MNAT1: variants seen among roughly 807,000 people sequenced by gnomAD.
The protein encoded by MNAT1 is MNAT1 component of CDK activating kinase.
MNAT1 carries 43 observed loss-of-function variants against 42.0 expected under a neutral mutation model. That is an observed-to-expected ratio of 1.02 (90% confidence interval 0.80 to 1.32). The LOEUF (loss-of-function observed/expected upper bound fraction) is 1.32. MNAT1 is among the 40% of genes most tolerant of loss of function. MNAT1 has a pLI of 0.00. For synonymous variants in MNAT1, 118 were observed against 120.0 expected, an observed-to-expected ratio of 0.98 and a Z score of 0.11; for missense variants, 306 against 350.4, an observed-to-expected ratio of 0.87 and a Z score of 1.01.
chr14:60,961,455 T>TC (rs1364056378), intron 7 of MNAT1, among the ~76,000 whole-genome samples: 1 of 152,210 alleles, frequency 6.6e-6, no homozygotes, highest in African/African-American at 2.4e-5. Flanking sequence ...ATATATGTTC[T>TC]TCCCTCTCTC....
intron 4 of MNAT1, among the ~76,000 whole-genome samples, chr14:60,811,291 ATTCT>A (rs2032534988): frequency 9.0e-6 from 1 of 110,872 alleles, no homozygotes; most frequent in East Asian, 2.7e-4. Flanking sequence ...TCTTATTTCT[ATTCT>A]TTCTTTTTTT....
chr14:60,917,304 GA>G (rs11350105), intron 7 of MNAT1, among the ~76,000 whole-genome samples: 142,521 of 152,182 alleles, frequency 0.94, 67,116 homozygotes, highest in Non-Finnish European at 0.99. Flanking sequence ...ATTTTACCAG[GA>G]AAAAATAGTC....
chr14:60,753,308 G>A (rs556753022), intron 1 of MNAT1, among the ~76,000 whole-genome samples: 1 of 152,112 alleles, frequency 6.6e-6, no homozygotes, highest in East Asian at 1.9e-4. Flanking sequence ...TTTGAAGTGT[G>A]TGTCCACTTA....
chr14:60,800,698 AAGAG>A (rs1289075229), intron 3 of MNAT1, among the ~76,000 whole-genome samples: 2 of 152,220 alleles, frequency 1.3e-5, no homozygotes, highest in Non-Finnish European at 2.9e-5. Context: ...AAAGTATTTG[AAGAG>A]AGAGACAGGT....
chr14:60,802,681 G>A (rs550889620), intron 3 of MNAT1, among the ~76,000 whole-genome samples: 1 of 152,252 alleles, frequency 6.6e-6, no homozygotes, highest in African/African-American at 2.4e-5. Flanking sequence ...ATTTGATGTA[G>A]GAAGTGTGTT....
chr14:60,891,823 C>T, intron 7 of MNAT1, among the ~76,000 whole-genome samples: 1 of 152,050 alleles, frequency 6.6e-6, no homozygotes, highest in East Asian at 1.9e-4. Context: ...TTTGCTGTGT[C>T]CCATACGTTT....
chr14:60,911,884 T>C (rs535465061), intron 7 of MNAT1, among the ~76,000 whole-genome samples: 1 of 152,154 alleles, frequency 6.6e-6, no homozygotes, highest in South Asian at 2.1e-4. Flanking sequence ...CTTGTTAACT[T>C]TCTGTCTCGT....
chr14:60,748,641 C>T (rs886101971), intron 1 of MNAT1, among the ~76,000 whole-genome samples: 2 of 152,244 alleles, frequency 1.3e-5, no homozygotes, highest in Non-Finnish European at 2.9e-5. Flanking sequence ...ATCAATATCA[C>T]TGTCTCCCCT....
At chr14:60,911,615 A>G (rs1423802361) in intron 7 of MNAT1, among the ~76,000 whole-genome samples, 6 of 152,170 alleles carry the variant, frequency 3.9e-5, no homozygotes, top group Non-Finnish European at 5.9e-5. Context: ...TTCAGTTTCC[A>G]TGTAGTTGAG....
At chr14:60,852,866 T>C (rs1337870732) in intron 6 of MNAT1, among the ~76,000 whole-genome samples, 1 of 152,212 alleles carries the variant, frequency 6.6e-6, no homozygotes, top group Non-Finnish European at 1.5e-5. Context: ...AGATGTGTGG[T>C]GCTACTTCTG....
intron 7 of MNAT1, among the ~76,000 whole-genome samples, chr14:60,882,453 T>C (rs1566532823): frequency 6.6e-6 from 1 of 152,206 alleles, no homozygotes; most frequent in Non-Finnish European, 1.5e-5. Context: ...ACTGTGTATA[T>C]GTACCACATT....
At chr14:60,863,844 T>G (rs1009350458) in intron 6 of MNAT1, among the ~76,000 whole-genome samples, 2 of 152,030 alleles carry the variant, frequency 1.3e-5, no homozygotes, top group Non-Finnish European at 2.9e-5. Context: ...TACAATAAAC[T>G]GTGATTTAAA....
chr14:60,923,811 T>C lies in MNAT1; in HGVS notation c.809+43976T>C, dbSNP rs368403617. ...TTGGGCAATATGGTGGAACCTTGTTTCCACAAAAAATAAAAAAAATTAGCC... is the reference window on the plus strand; with the variant it reads ...TTGGGCAATATGGTGGAACCTTGTTCCCACAAAAAATAAAAAAAATTAGCC... On this transcript the variant is annotated intron_variant, in intron 7 of 7. Transcript: ENST00000261245. 9.0e-4 allele frequency among the ~76,000 whole-genome samples: 137 copies of C among 152,162 alleles called. 1 individual carries two copies. Among genetic ancestry groups the C allele is most frequent in the African/African-American group, 3.1e-3 (127 of 41,512 alleles).
intron 7 of MNAT1, among the ~76,000 whole-genome samples, chr14:60,940,651 T>C (rs1450582779): frequency 6.6e-6 from 1 of 152,170 alleles, no homozygotes; most frequent in Non-Finnish European, 1.5e-5. Flanking sequence ...TCTTCTGACC[T>C]CATGATCTGC....
Position 60,763,798 on chromosome 14 carries a change from C to T in MNAT1, c.89+28847C>T, listed in dbSNP as rs535277923. Among the ~76,000 whole-genome samples, 13 of 152,186 alleles carry T rather than the reference C, an allele frequency of 8.5e-5. No individual in the cohort carries two copies. The South Asian group carries it at 1.9e-3, about 22-fold the overall frequency. On this transcript the variant is annotated intron_variant, in intron 1 of 7. Coordinates refer to ENST00000261245, the MANE Select transcript of MNAT1 (RefSeq NM_002431.4). ...AATAAATCCATATTAATCCACCTGGCGGAGTATAACATTTTAACATACCTT... is the reference window on the plus strand; with the variant it reads ...AATAAATCCATATTAATCCACCTGGTGGAGTATAACATTTTAACATACCTT...
chr14:60,758,189 T>C (rs1042939482), intron 1 of MNAT1, among the ~76,000 whole-genome samples: 3 of 152,060 alleles, frequency 2.0e-5, no homozygotes, highest in Admixed American at 6.5e-5. Context: ...TATGTCTTCC[T>C]TATCTCTACT....
At chr14:60,941,422 C>T (rs993117340) in intron 7 of MNAT1, among the ~76,000 whole-genome samples, 4 of 152,086 alleles carry the variant, frequency 2.6e-5, no homozygotes, top group East Asian at 1.9e-4. Context: ...TCTGATGGCT[C>T]GGCACACTGG....
intron 7 of MNAT1, among the ~76,000 whole-genome samples, chr14:60,961,170 C>T (rs185072616): frequency 1.3e-5 from 2 of 152,290 alleles, no homozygotes; most frequent in African/African-American, 4.8e-5. Flanking sequence ...CCATGTTGGT[C>T]GGGCAGGTCT....
At chr14:60,871,098 A>G (rs1402507013) in intron 6 of MNAT1, among the ~76,000 whole-genome samples, 1 of 152,216 alleles carries the variant, frequency 6.6e-6, no homozygotes, top group African/African-American at 2.4e-5. Context: ...TTGAATAGTA[A>G]TAAAATTCAG....
Sources: gnomAD v4.1 joint callset for allele counts (sites outside exome capture counted in the v4.1 genomes callset) on GRCh38, gnomAD v4.1.1 for gene constraint, MANE v1.5 for transcripts, NCBI Gene and HGNC (gene_info 2026-07-23, HGNC 2026-07-21) for gene names.